Variants in GRWD1 observed in about 807,000 individuals in gnomAD.
GRWD1 encodes the protein glutamate-rich WD repeat-containing protein 1.
Under a neutral mutation model 45.3 loss-of-function variants are expected in GRWD1, and 29 were observed. The observed-to-expected ratio is 0.64, with a 90% confidence interval of 0.48 to 0.87. The LOEUF is 0.87. Ranked by LOEUF, GRWD1 falls within the 40% of genes least tolerant of loss-of-function variation. The pLI is 0.00. For missense variants in GRWD1, 592 were observed against 618.8 expected (o/e 0.96, Z 0.46); for synonymous variants, 262 against 257.6 (o/e 1.02, Z -0.16).
chr19:48,446,564 A>G, intron 2 of GRWD1, 62 bp downstream of exon 2: 1 of 1,584,624 alleles, frequency 6.3e-7, no homozygotes, highest in Non-Finnish European at 8.6e-7. Flanking sequence ...CTCAGCACCC[A>G]GGAGTTAGGG....
At chr19:48,448,410 T>C (rs1276032218) in intron 3 of GRWD1, among the ~76,000 whole-genome samples, 1 of 152,230 alleles carries the variant, frequency 6.6e-6, no homozygotes. Context: ...AGTACTGTTC[T>C]AGATGCAGAG....
Position 48,451,201 on chromosome 19 carries a change from C to T in GRWD1, c.993C>T (p.Ala331=). 6.2e-7 allele frequency: 1 copy of T among 1,606,496 alleles called. No homozygotes were observed. Among genetic ancestry groups the T allele is most frequent in the Non-Finnish European group, 8.5e-7 (1 of 1,174,814 alleles). The change falls in exon 6 of 7, where the codon GCC becomes GCT. Residue 331 remains alanine (A), a synonymous_variant. Transcript: ENST00000253237. ...TGCTCAGTGGCGGGGATGATGGGGC[C>T]CTCAAGATCTGGGACCTTCGGCAGT... ...PFLLSGGDDG[A]LKIWDLRQFK...
In GRWD1 at chr19:48,452,087, T is replaced by G. The variant is rs537795418; in HGVS notation, c.1024-621T>G. 0.071 allele frequency among the ~76,000 whole-genome samples: 2,604 copies of G among 36,898 alleles called. 35 individuals carry two copies. The highest frequency in any genetic ancestry group is 0.17 in the Non-Finnish European group (1,920 of 11,430). 24.2% of individuals were successfully genotyped at this position (36,898 alleles called of 152,430 possible). On this transcript the variant is annotated intron_variant, in intron 6 of 6. Coordinates refer to ENST00000253237, the MANE Select transcript of GRWD1 (RefSeq NM_031485.4). This position sits in a 1 kb window ranked among gnomAD's most constrained non-coding sequence, Gnocchi z 5.1. ...CTGGGAGAGCCATGCCCTCCTTTTT[T>G]TCTTTTTTTTTTTTTTTTTCTTTTT... is the stretch of plus-strand genomic sequence containing the variant.
At chr19:48,447,971 G>A (rs1971430175) in intron 3 of GRWD1, among the ~76,000 whole-genome samples, 1 of 152,074 alleles carries the variant, frequency 6.6e-6, no homozygotes, top group South Asian at 2.1e-4. Flanking sequence ...TTGTTTTTGA[G>A]TCATGGTTTC....
In GRWD1 at chr19:48,452,997, TCAC is replaced by T. The variant is rs1310376649; in HGVS notation, c.1316_1318del (p.Thr439del). On this transcript the variant is annotated inframe_deletion, in exon 7 of 7. Transcript: ENST00000253237. This position sits in a 1 kb window ranked among gnomAD's most constrained non-coding sequence, Gnocchi z 5.1. ...CTGGTCAGCACGGCGCTGTCAGGCT[TCAC>T]CATCTTCCGCACCATCAGCGTCTGA... The T allele has an allele frequency of 2.5e-6, 4 of 1,595,868 alleles. No individual in the cohort carries two copies. The African/African-American group carries it at 5.4e-5, about 21-fold the overall frequency.
intron 3 of GRWD1, among the ~76,000 whole-genome samples, chr19:48,447,427 G>T (rs185301189): frequency 2.4e-4 from 37 of 152,152 alleles, no homozygotes; most frequent in Non-Finnish European, 4.4e-4. Context: ...ATTCTTAGTA[G>T]GGACGGGGTT....
Position 48,455,919 on chromosome 19 carries a change from G to A in GRWD1, c.*2894G>A, listed in dbSNP as rs1385481248. The stretch of plus-strand genomic sequence containing the variant: ...TGGGCATGTCGGGAGCTCATCACGA[G>A]GCCTCGTACATACCAGGTGTGTTTG... On this transcript the variant is annotated 3_prime_UTR_variant, in exon 7 of 7. Coordinates refer to ENST00000253237, the MANE Select transcript of GRWD1 (RefSeq NM_031485.4). The A allele has an allele frequency of 6.6e-6, 1 of 152,260 alleles. No homozygotes were observed. Among genetic ancestry groups the A allele is most frequent in the Admixed American group, 6.5e-5 (1 of 15,290 alleles). 9.4% of individuals were successfully genotyped at this position (152,260 alleles called of 1,614,324 possible).
chr19:48,446,017 CA>C lies in GRWD1; in HGVS notation c.14del (p.Lys5ArgfsTer67). MAARKGRRRTCETGE... is the reference protein window; with the variant it reads MAARXGRRRTCETGE... ...GAGAGGGTTCGAAGATGGCGGCGCG[CA>C]AGGGTCGGCGGCGCACGTGTGAAAC... On this transcript the variant is annotated frameshift_variant, in exon 1 of 7. Transcript: ENST00000253237. LOFTEE classifies it high-confidence loss of function. 1 of 1,587,714 alleles carries C rather than the reference CA, an allele frequency of 6.3e-7. No homozygotes were observed. The highest frequency in any genetic ancestry group is 8.6e-7 in the Non-Finnish European group (1 of 1,168,680).
Position 48,453,153 on chromosome 19 carries a change from G to T in GRWD1, c.*128G>T. 1.3e-6 allele frequency: 1 copy of T among 791,680 alleles called. No individual in the cohort carries two copies. 49.0% of individuals were successfully genotyped at this position (791,680 alleles called of 1,614,324 possible). A position where few individuals can be genotyped will look rare whatever the true frequency, so the allele number is the denominator to read the frequency against. ...CCTGTGGGCTGCCGTGATGGATTCT[G>T]TTTGACGTATTGTTCTCTAGAAGGC... On this transcript the variant is annotated 3_prime_UTR_variant, in exon 7 of 7. Coordinates refer to ENST00000253237, the MANE Select transcript of GRWD1 (RefSeq NM_031485.4).
rs1400188762 is a variant in GRWD1, at chr19:48,453,089, G to C, written c.*64G>C. ...ACTGAAGTCGAATTGGGCTCCCCTG[G>C]AAGGGGTTCATTCAGGTCTGTTGAC... On this transcript the variant is annotated 3_prime_UTR_variant, in exon 7 of 7. Transcript: ENST00000253237. 60 of 1,439,956 alleles carry C rather than the reference G, an allele frequency of 4.2e-5. No individual in the cohort carries two copies. Among genetic ancestry groups the C allele is most frequent in the Non-Finnish European group, 5.5e-5 (58 of 1,062,344 alleles). 89.2% of individuals were successfully genotyped at this position (1,439,956 alleles called of 1,614,324 possible).
chr19:48,450,194 C>T lies in GRWD1; in HGVS notation c.469-119C>T. 1.3e-6 allele frequency: 1 copy of T among 753,214 alleles called. No individual in the cohort carries two copies. 46.7% of individuals were successfully genotyped at this position (753,214 alleles called of 1,614,324 possible). A position where few individuals can be genotyped will look rare whatever the true frequency, so the allele number is the denominator to read the frequency against. ...GGTTTCAAGGAGCTGTAGTCCCAGGCCTGGGAGATCTGAGGAAGCGCACTT... is the reference window on the plus strand; with the variant it reads ...GGTTTCAAGGAGCTGTAGTCCCAGGTCTGGGAGATCTGAGGAAGCGCACTT... On this transcript the variant is annotated intron_variant, in intron 3 of 6. Coordinates refer to ENST00000253237, the MANE Select transcript of GRWD1 (RefSeq NM_031485.4). The surrounding 1 kb of genome is among the most constrained non-coding windows in gnomAD (Gnocchi z 5.1).
Position 48,450,313 on chromosome 19 carries a change from G to T in GRWD1, c.469G>T (p.Val157Leu). ...CCCTTCCCCCACCGCTCTTCTGCAG[G>T]TGTCATGGCTGGGTGAAGAGCCTGT... Reference protein sequence around the residue: ...PHYGGINRVRVSWLGEEPVAG... With the variant: ...PHYGGINRVRLSWLGEEPVAG... Residue 157 changes from valine to leucine, a missense_variant and splice_region_variant, in exon 4 of 7, where the codon GTG (valine) becomes TTG (leucine). Val to Leu is a conservative substitution (Grantham distance 32). Transcript: ENST00000253237. This position sits in a 1 kb window ranked among gnomAD's most constrained non-coding sequence, Gnocchi z 5.1. 6.2e-7 allele frequency: 1 copy of T among 1,610,440 alleles called. No individual in the cohort carries two copies. Among genetic ancestry groups the T allele is most frequent in the Non-Finnish European group, 8.5e-7 (1 of 1,178,974 alleles).
intron 3 of GRWD1, among the ~76,000 whole-genome samples, chr19:48,449,123 C>G (rs573438041): frequency 1.3e-5 from 2 of 151,946 alleles, no homozygotes; most frequent in Admixed American, 6.6e-5. Flanking sequence ...GACAGAGTCT[C>G]GCTTTTGTCG....
At chr19:48,449,744 C>T (rs1971449856) in intron 3 of GRWD1, among the ~76,000 whole-genome samples, 1 of 152,092 alleles carries the variant, frequency 6.6e-6, no homozygotes. Context: ...TCACTTGAGC[C>T]CAGGAGGTTG....
rs1313107754 is a variant in GRWD1, at chr19:48,450,131, A to G, written c.469-182A>G. On this transcript the variant is annotated intron_variant, in intron 3 of 6. Coordinates refer to ENST00000253237, the MANE Select transcript of GRWD1 (RefSeq NM_031485.4). The surrounding 1 kb of genome is among the most constrained non-coding windows in gnomAD (Gnocchi z 5.1). ...CCTGTGGAGAGCTGTCCCAGTTACCATGCTGGTTTTTGCAGGTTGTGATTT... is the reference window on the plus strand; with the variant it reads ...CCTGTGGAGAGCTGTCCCAGTTACCGTGCTGGTTTTTGCAGGTTGTGATTT... Among the ~76,000 whole-genome samples, 1 of 141,976 alleles carries G rather than the reference A, an allele frequency of 7.0e-6. No individual in the cohort carries two copies. Among genetic ancestry groups the G allele is most frequent in the Non-Finnish European group, 1.5e-5 (1 of 65,038 alleles). The allele number at this position is 141,976 out of a possible 152,430, so 93.1% of individuals were successfully genotyped here.
Position 48,451,054 on chromosome 19 carries a change from T to C in GRWD1, c.846T>C (p.Ala282=), listed in dbSNP as rs1321904426. ...TENTVFASCS[A]DASIRIWDIR... is the part of the protein sequence containing the mutation. ...CCCAGGTGTTTGCCTCCTGCTCAGCTGACGCCTCCATCCGCATCTGGGACA... is the reference window on the plus strand; with the variant it reads ...CCCAGGTGTTTGCCTCCTGCTCAGCCGACGCCTCCATCCGCATCTGGGACA... The change falls in exon 6 of 7, where the codon GCT becomes GCC. Residue 282 remains alanine, a synonymous_variant. Transcript: ENST00000253237. 2 of 1,613,898 alleles carry C rather than the reference T, an allele frequency of 1.2e-6. No homozygotes were observed. The highest frequency in any genetic ancestry group is 1.7e-5 in the Admixed American group (1 of 60,006).
rs199574524 is a variant in GRWD1 at position 48,450,386 on chromosome 19, G to A, written c.542G>A (p.Arg181Gln). Reference protein sequence around the residue: ...EKGQVEVFALRRLLQVVEEPQ... With the variant: ...EKGQVEVFALQRLLQVVEEPQ... Reference sequence around the variant, plus strand: ...GGCCAGGTGGAGGTGTTTGCGCTGCGGCGGCTTCTGCAGGTGGTGGAGGAG... The same window carrying A: ...GGCCAGGTGGAGGTGTTTGCGCTGCAGCGGCTTCTGCAGGTGGTGGAGGAG... The change falls in exon 4 of 7, where the codon CGG becomes CAG. Residue 181 changes from arginine (R) to glutamine (Q), a missense_variant. Coordinates refer to ENST00000253237, the MANE Select transcript of GRWD1 (RefSeq NM_031485.4). This position sits in a 1 kb window ranked among gnomAD's most constrained non-coding sequence, Gnocchi z 5.1. The A allele has an allele frequency of 4.4e-5, 71 of 1,613,662 alleles. No homozygotes were observed. Among genetic ancestry groups the A allele is most frequent in the South Asian group, 1.4e-4 (13 of 91,080 alleles).
Position 48,453,249 on chromosome 19 carries a change from C to A in GRWD1, c.*224C>A. The stretch of plus-strand genomic sequence containing the variant: ...CCAGGGCTCTGTAAGACCACTCCCA[C>A]CCAGAGACTTGTGTGGCCTGGTGTG... On this transcript the variant is annotated 3_prime_UTR_variant, in exon 7 of 7. Transcript: ENST00000253237. 2.0e-6 allele frequency: 1 copy of A among 499,462 alleles called. No homozygotes were observed. Among genetic ancestry groups the A allele is most frequent in the Non-Finnish European group, 3.6e-6 (1 of 281,680 alleles). 30.9% of individuals were successfully genotyped at this position (499,462 alleles called of 1,614,324 possible). A position where few individuals can be genotyped will look rare whatever the true frequency, so the allele number is the denominator to read the frequency against.
chr19:48,447,735 A>G (rs1161803540), intron 3 of GRWD1, among the ~76,000 whole-genome samples: 1 of 152,202 alleles, frequency 6.6e-6, no homozygotes, highest in Non-Finnish European at 1.5e-5. Flanking sequence ...TTTAGCTATT[A>G]TGATCAGTGT....
Sources: allele counts gnomAD v4.1 joint callset (sites outside exome capture counted in the v4.1 genomes callset), GRCh38; gene constraint gnomAD v4.1.1; non-coding constraint Gnocchi (gnomAD v3.1); transcripts MANE v1.5; gene names NCBI Gene and HGNC (gene_info 2026-07-23, HGNC 2026-07-21).